The following PPP1R12A variants were observed in gnomAD, a reference collection of about 807,000 sequenced individuals.
PPP1R12A encodes protein phosphatase 1 regulatory subunit 12A, also known as myosin binding subunit.
A neutral mutation model predicts 139.6 loss-of-function variants in PPP1R12A; 19 were observed. The ratio of observed to expected loss-of-function variants is 0.14; its 90% CI spans 0.09 to 0.20. The LOEUF is 0.20. Ranked by LOEUF, PPP1R12A falls within the 10% of genes least tolerant of loss-of-function variation. The pLI is 1.00. For missense variants in PPP1R12A, 925 were observed against 1,211.5 expected (o/e 0.76, Z 3.51); for synonymous variants, 427 against 420.6 (o/e 1.02, Z -0.19).
intron 5 of PPP1R12A, among the ~76,000 whole-genome samples, chr12:79,824,108 T>C (rs192857483): frequency 6.6e-5 from 10 of 152,272 alleles, no homozygotes; most frequent in Middle Eastern, 3.4e-3. Context: ...TCTTGGGAAA[T>C]AGAAGCCAAA....
At chr12:79,888,847 T>C (rs1245895337) in intron 1 of PPP1R12A, among the ~76,000 whole-genome samples, 1 of 152,166 alleles carries the variant, frequency 6.6e-6, no homozygotes, top group African/African-American at 2.4e-5. Context: ...ACCAATAGGC[T>C]ACACAACTAA....
chr12:79,803,618 G>A (rs1873458682), intron 14 of PPP1R12A, among the ~76,000 whole-genome samples: 1 of 151,964 alleles, frequency 6.6e-6, no homozygotes, highest in Non-Finnish European at 1.5e-5. Context: ...TTAAATAAAA[G>A]ACAAAGAGAA....
chr12:79,913,928 T>C (rs1309653108), intron 1 of PPP1R12A: 1 of 152,180 alleles, frequency 6.6e-6, no homozygotes, highest in Non-Finnish European at 1.5e-5. Context: ...TTCCAGGAGC[T>C]TGTATGTGAC....
chr12:79,889,293 A>G (rs943523643), intron 1 of PPP1R12A, among the ~76,000 whole-genome samples: 7 of 152,190 alleles, frequency 4.6e-5, no homozygotes, highest in African/African-American at 1.7e-4. Context: ...ATAGAGCCCT[A>G]GTAAATGAAT....
intron 9 of PPP1R12A, among the ~76,000 whole-genome samples, chr12:79,814,492 AAAAAAAAAG>A (rs1437375678): frequency 2.8e-5 from 4 of 143,938 alleles, no homozygotes; most frequent in Admixed American, 7.0e-5. Context: ...AAAAAAAAAA[AAAAAAAAAG>A]GACTCCCCCT....
intron 23 of PPP1R12A, chr12:79,779,801 A>C: frequency 2.4e-5 from 4 of 164,050 alleles, no homozygotes; most frequent in Admixed American, 1.2e-4. Flanking sequence ...ATTAGTGGTA[A>C]AGTAAGACAA....
intron 1 of PPP1R12A, 85 bp from the exon 2 acceptor site, chr12:79,873,023 G>C: frequency 7.5e-7 from 1 of 1,327,500 alleles, no homozygotes. Context: ...TTCCTACTTT[G>C]TAGCTTTTAT....
At chr12:79,926,582 AT>A in intron 1 of PPP1R12A, among the ~76,000 whole-genome samples, 1 of 152,228 alleles carries the variant, frequency 6.6e-6, no homozygotes, top group Admixed American at 6.5e-5. Context: ...TTATTAGGAC[AT>A]TTTAAAAGTT....
rs532235112 is a variant in PPP1R12A at position 79,866,978 on chromosome 12, C to A, written c.368+5830G>T. 2.2e-4 allele frequency among the ~76,000 whole-genome samples: 34 copies of A among 152,232 alleles called. 1 individual carries two copies. In the South Asian group the frequency reaches 7.0e-3, roughly 32 times the overall value. ...GCAATCTCATTACTGGGTAGATACCCAAAGGATTATAAATCATCCTGCAAT... is the reference window on the plus strand; with the variant it reads ...GCAATCTCATTACTGGGTAGATACCAAAAGGATTATAAATCATCCTGCAAT... On this transcript the variant is annotated intron_variant, in intron 2 of 24. Transcript: ENST00000450142.
chr12:79,841,353 A>G (rs774786956), intron 3 of PPP1R12A, among the ~76,000 whole-genome samples: 1 of 152,154 alleles, frequency 6.6e-6, no homozygotes, highest in African/African-American at 2.4e-5. Flanking sequence ...AGCTTTTTCT[A>G]TTCTCTCACA....
chr12:79,808,227 T>C (rs1399822114), intron 11 of PPP1R12A, among the ~76,000 whole-genome samples: 2 of 152,234 alleles, frequency 1.3e-5, no homozygotes, highest in East Asian at 1.9e-4. Flanking sequence ...AGAGAACTCA[T>C]ACTAGTTCAT....
intron 1 of PPP1R12A, among the ~76,000 whole-genome samples, chr12:79,883,685 A>T (rs545987211): frequency 6.6e-6 from 1 of 152,202 alleles, no homozygotes; most frequent in Non-Finnish European, 1.5e-5. Flanking sequence ...TTTGGGAATT[A>T]TCTGCATTGA....
At chr12:79,864,566 AATAG>A (rs1198260113) in intron 2 of PPP1R12A, among the ~76,000 whole-genome samples, 12 of 152,306 alleles carry the variant, frequency 7.9e-5, no homozygotes, top group South Asian at 2.1e-4. Flanking sequence ...AGATCAACAA[AATAG>A]ATAGACAGCT....
intron 2 of PPP1R12A, among the ~76,000 whole-genome samples, chr12:79,847,382 T>G (rs1351252730): frequency 6.6e-6 from 1 of 152,230 alleles, no homozygotes; most frequent in African/African-American, 2.4e-5. Context: ...TTTAAAAAAT[T>G]TTCCCAACAT....
At chr12:79,797,750 T>C (rs180809289) in intron 15 of PPP1R12A, among the ~76,000 whole-genome samples, 3 of 152,302 alleles carry the variant, frequency 2.0e-5, no homozygotes, top group African/African-American at 4.8e-5. Flanking sequence ...TGCATGATGA[T>C]TGTTAAGGCT....
chr12:79,869,994 AT>A (rs1565788754), intron 2 of PPP1R12A, among the ~76,000 whole-genome samples: 1 of 151,616 alleles, frequency 6.6e-6, no homozygotes, highest in East Asian at 1.9e-4. Flanking sequence ...CACCCTATCA[AT>A]TAGGCCACCA....
intron 22 of PPP1R12A, among the ~76,000 whole-genome samples, chr12:79,783,295 C>CAA (rs5799441): frequency 0.039 from 4,511 of 116,870 alleles, 280 homozygotes; most frequent in African/African-American, 0.12. Context: ...CCGTCTCTAC[C>CAA]AAAAAAAAAA....
chr12:79,874,007 GGCTCACGCCTGTA>G (rs1323043500), intron 1 of PPP1R12A, among the ~76,000 whole-genome samples: 2 of 152,170 alleles, frequency 1.3e-5, no homozygotes, highest in African/African-American at 4.8e-5. Context: ...CAGGCGCGGT[GGCTCACGCCTGTA>G]ATCCCAGCAC....
Position 79,862,872 on chromosome 12 carries a change from G to A in PPP1R12A, c.368+9936C>T, listed in dbSNP as rs149586119. ...ATACCTGAAAGTGACGGGGAGAATG[G>A]AACCAAGTTGGAAAACACTCTGCAG... On this transcript the variant is annotated intron_variant, in intron 2 of 24. Transcript: ENST00000450142. 7.0e-3 allele frequency among the ~76,000 whole-genome samples: 1,066 copies of A among 152,270 alleles called. 7 individuals are homozygous for A. Among genetic ancestry groups the A allele is most frequent in the Non-Finnish European group, 0.011 (766 of 68,018 alleles).
Sources: allele counts gnomAD v4.1 joint callset (sites outside exome capture counted in the v4.1 genomes callset), GRCh38; gene constraint gnomAD v4.1.1; transcripts MANE v1.5; gene names NCBI Gene and HGNC (gene_info 2026-07-23, HGNC 2026-07-21).